Variants in EPHA7 observed in about 807,000 individuals in gnomAD.
EPHA7 encodes EPH receptor A7.
A neutral mutation model predicts 112.6 loss-of-function variants in EPHA7; 25 were observed. The observed-to-expected ratio is 0.22, with a 90% CI of 0.16 to 0.31. The LOEUF (loss-of-function observed/expected upper bound fraction) is 0.31. Among genes scored for constraint, EPHA7 ranks in the 10% least tolerant of loss-of-function variants. EPHA7 has a pLI of 1.00. For synonymous variants in EPHA7, 437 were observed against 406.5 expected, an observed-to-expected ratio of 1.07 and a Z score of -0.90; for missense variants, 962 against 1,212.6, an observed-to-expected ratio of 0.79 and a Z score of 3.07.
intron 5 of EPHA7, among the ~76,000 whole-genome samples, chr6:93,280,681 C>G (rs1213406813): frequency 6.6e-6 from 1 of 152,040 alleles, no homozygotes; most frequent in Non-Finnish European, 1.5e-5. Flanking sequence ...TTGAACCTCT[C>G]TGTGTCTCAG....
chr6:93,371,212 G>A (rs1776779755), intron 3 of EPHA7, among the ~76,000 whole-genome samples: 1 of 151,190 alleles, frequency 6.6e-6, no homozygotes, highest in African/African-American at 2.4e-5. Flanking sequence ...TGTATCCACT[G>A]GTTCTGCATC....
At chr6:93,289,361 A>G (rs751657959) in intron 5 of EPHA7, among the ~76,000 whole-genome samples, 16 of 152,300 alleles carry the variant, frequency 1.1e-4, no homozygotes, top group Non-Finnish European at 1.9e-4. Flanking sequence ...AAATTTTGAT[A>G]ACAATGAATT....
At chr6:93,285,099 A>G (rs527985539) in intron 5 of EPHA7, among the ~76,000 whole-genome samples, 5 of 152,238 alleles carry the variant, frequency 3.3e-5, no homozygotes, top group Admixed American at 1.3e-4. Context: ...ATATTGCTTA[A>G]TAAGTTCTCA....
intron 4 of EPHA7, among the ~76,000 whole-genome samples, chr6:93,357,655 CT>C (rs11388617): frequency 1.2e-3 from 168 of 144,478 alleles, no homozygotes; most frequent in Middle Eastern, 3.5e-3. Context: ...ACCCTAATAA[CT>C]TTTTTTTTTT....
chr6:93,365,088 T>C (rs923395270), intron 3 of EPHA7, among the ~76,000 whole-genome samples: 4 of 152,186 alleles, frequency 2.6e-5, no homozygotes, highest in Non-Finnish European at 5.9e-5. Flanking sequence ...GCTAAAGGAA[T>C]ACAACTTGAC....
intron 7 of EPHA7, among the ~76,000 whole-genome samples, chr6:93,266,519 C>A (rs142872260): frequency 1.3e-5 from 2 of 151,716 alleles, no homozygotes; most frequent in African/African-American, 2.4e-5. Flanking sequence ...TATTTCAGGG[C>A]AATACATATT....
At chr6:93,326,894 T>C (rs1562098810) in intron 5 of EPHA7, among the ~76,000 whole-genome samples, 1 of 151,636 alleles carries the variant, frequency 6.6e-6, no homozygotes, top group Non-Finnish European at 1.5e-5. Flanking sequence ...AAATTTTTAT[T>C]GTTGTATCTT....
chr6:93,409,387 A>G (rs534272117), intron 3 of EPHA7, among the ~76,000 whole-genome samples: 2 of 151,086 alleles, frequency 1.3e-5, no homozygotes, highest in African/African-American at 4.9e-5. Context: ...GATATCCTCT[A>G]TTTTTTTATT....
chr6:93,377,517 A>G (rs1280432283), intron 3 of EPHA7, among the ~76,000 whole-genome samples: 1 of 144,998 alleles, frequency 6.9e-6, no homozygotes, highest in Non-Finnish European at 1.5e-5. Context: ...CTTTGAAATA[A>G]TTCTGTAAAA....
intron 5 of EPHA7, among the ~76,000 whole-genome samples, chr6:93,332,725 T>A (rs908533449): frequency 2.6e-5 from 4 of 151,740 alleles, no homozygotes; most frequent in Non-Finnish European, 4.4e-5. Context: ...TAGAGTATTT[T>A]TGAATTTCAA....
chr6:93,274,217 A>G (rs142978061), intron 5 of EPHA7, among the ~76,000 whole-genome samples: 124 of 152,008 alleles, frequency 8.2e-4, no homozygotes, highest in Non-Finnish European at 1.4e-3. Flanking sequence ...AGTATAAGTC[A>G]AACACTAAGA....
chr6:93,281,311 C>T (rs1323697482), intron 5 of EPHA7, among the ~76,000 whole-genome samples: 2 of 152,068 alleles, frequency 1.3e-5, no homozygotes, highest in Non-Finnish European at 2.9e-5. Flanking sequence ...GATGAAGTAA[C>T]TTCTATTTTG....
rs146504856 is a variant in EPHA7 at position 93,375,283 on chromosome 6, G to A, written c.833-16872C>T. 1.7e-3 allele frequency among the ~76,000 whole-genome samples: 260 copies of A among 152,030 alleles called. 3 individuals carry two copies. Among genetic ancestry groups the A allele is most frequent in the African/African-American group, 6.1e-3 (255 of 41,480 alleles). On this transcript the variant is annotated intron_variant, in intron 3 of 16. Coordinates refer to ENST00000369303, the MANE Select transcript of EPHA7 (RefSeq NM_004440.4). Reference sequence around the variant, plus strand: ...TGTTCCAATATGTGTAACTTGAAATGTAAAACCAAACAACAAAAACAACTT... The same window carrying A: ...TGTTCCAATATGTGTAACTTGAAATATAAAACCAAACAACAAAAACAACTT...
intron 5 of EPHA7, among the ~76,000 whole-genome samples, chr6:93,310,577 T>C (rs1455047014): frequency 1.3e-5 from 2 of 151,624 alleles, no homozygotes; most frequent in African/African-American, 4.8e-5. Flanking sequence ...AGGCAGAAAA[T>C]TGCTTGAACC....
intron 6 of EPHA7, among the ~76,000 whole-genome samples, chr6:93,271,333 T>A (rs1771208043): frequency 6.6e-6 from 1 of 151,938 alleles, no homozygotes; most frequent in African/African-American, 2.4e-5. Context: ...TTTCAATTTA[T>A]TTAATCATGT....
Position 93,419,418 on chromosome 6 carries a change from G to T in EPHA7, c.-77C>A. On this transcript the variant is annotated 5_prime_UTR_variant, in exon 1 of 17. Coordinates refer to ENST00000369303, the MANE Select transcript of EPHA7 (RefSeq NM_004440.4). The stretch of plus-strand genomic sequence containing the variant: ...TTTAAATGCTGTTTGTTCCGAAGTA[G>T]CTTTTGTTTTATTGTGCTCCTTGCA... 2 of 1,248,400 alleles carry T rather than the reference G, an allele frequency of 1.6e-6. No individual in the cohort carries two copies. Among genetic ancestry groups the T allele is most frequent in the Non-Finnish European group, 2.3e-6 (2 of 865,652 alleles). 77.3% of individuals were successfully genotyped at this position (1,248,400 alleles called of 1,614,324 possible). A position where few individuals can be genotyped will look rare whatever the true frequency, so the allele number is the denominator to read the frequency against.
At chr6:93,359,148 C>A (rs3823230) in intron 3 of EPHA7, among the ~76,000 whole-genome samples, 5 of 152,060 alleles carry the variant, frequency 3.3e-5, no homozygotes, top group African/African-American at 1.2e-4. Flanking sequence ...GGTTAGGGTG[C>A]AATCACACTA....
intron 3 of EPHA7, among the ~76,000 whole-genome samples, chr6:93,387,718 GGAGA>G (rs1452239483): frequency 6.6e-6 from 1 of 152,026 alleles, no homozygotes; most frequent in East Asian, 1.9e-4. Flanking sequence ...CATGGCAGCA[GGAGA>G]GAGAATTGCA....
intron 2 of EPHA7, among the ~76,000 whole-genome samples, chr6:93,414,168 G>A (rs993428674): frequency 6.6e-6 from 1 of 151,740 alleles, no homozygotes; most frequent in Non-Finnish European, 1.5e-5. Flanking sequence ...AATAACAGCG[G>A]ATAGCACATA....
Sources: allele counts gnomAD v4.1 joint callset (sites outside exome capture counted in the v4.1 genomes callset), GRCh38; gene constraint gnomAD v4.1.1; transcripts MANE v1.5; gene names NCBI Gene and HGNC (gene_info 2026-07-23, HGNC 2026-07-21).